The following ETFA variants were observed in gnomAD, a reference collection of about 807,000 sequenced individuals.
The protein encoded by ETFA is electron transfer flavoprotein subunit alpha, mitochondrial.
In ETFA, 22 loss-of-function variants were observed where a neutral mutation model predicts 46.2. That is an observed-to-expected ratio of 0.48 (90% CI 0.34 to 0.68). ETFA has a LOEUF of 0.68. Among genes scored for constraint, ETFA ranks in the 30% least tolerant of loss-of-function variants. ETFA has a pLI of 0.01. For synonymous variants in ETFA, 131 were observed against 139.9 expected (o/e 0.94, Z 0.45); for missense variants, 345 against 401.1 (o/e 0.86, Z 1.19).
intron 1 of ETFA, among the ~76,000 whole-genome samples, chr15:76,300,781 A>G (rs539223701): frequency 1.3e-5 from 2 of 152,104 alleles, no homozygotes; most frequent in South Asian, 4.2e-4. Flanking sequence ...CCCTCACTCC[A>G]TTTATGCCTT....
chr15:76,251,388 A>G (rs2039295998), intron 9 of ETFA, among the ~76,000 whole-genome samples: 1 of 152,252 alleles, frequency 6.6e-6, no homozygotes, highest in Non-Finnish European at 1.5e-5. Flanking sequence ...CTTGTGAAGT[A>G]GAAGGAATGG....
Position 76,215,852 on chromosome 15 carries a change from T to C in ETFA, c.*707A>G, listed in dbSNP as rs1363212657. The C allele has an allele frequency of 1.3e-5, 2 of 152,284 alleles. No homozygotes were observed. The highest frequency in any genetic ancestry group is 2.9e-5 in the Non-Finnish European group (2 of 68,100). The allele number at this position is 152,284 out of a possible 1,614,324, so 9.4% of individuals were successfully genotyped here. On this transcript the variant is annotated 3_prime_UTR_variant, in exon 12 of 12. Transcript: ENST00000557943. ...AACTATCTGCTTGCATCAGAGGCCATGCTGTCTCAAAGCAGCCCCTCCTCC... is the reference window on the plus strand; with the variant it reads ...AACTATCTGCTTGCATCAGAGGCCACGCTGTCTCAAAGCAGCCCCTCCTCC...
intron 9 of ETFA, among the ~76,000 whole-genome samples, chr15:76,263,728 G>C (rs2039442742): frequency 6.6e-6 from 1 of 152,192 alleles, no homozygotes; most frequent in Non-Finnish European, 1.5e-5. Context: ...AATAAAGGTA[G>C]CTCCTGAGCC....
At chr15:76,232,859 C>T (rs2039083573) in intron 9 of ETFA, among the ~76,000 whole-genome samples, 2 of 152,222 alleles carry the variant, frequency 1.3e-5, no homozygotes, top group South Asian at 4.1e-4. Context: ...AGTGATCCCT[C>T]AGCTCTTTGG....
At chr15:76,255,578 A>G (rs758442512) in intron 9 of ETFA, among the ~76,000 whole-genome samples, 5 of 152,236 alleles carry the variant, frequency 3.3e-5, no homozygotes, top group Non-Finnish European at 7.3e-5. Flanking sequence ...GAATATGAAG[A>G]TAATATTTCA....
intron 9 of ETFA, among the ~76,000 whole-genome samples, chr15:76,251,031 G>T (rs2039293206): frequency 6.6e-6 from 1 of 151,792 alleles, no homozygotes; most frequent in African/African-American, 2.4e-5. Flanking sequence ...AAAAAGAAAA[G>T]AATGGGAAGG....
chr15:76,295,785 G>A (rs1014015308), intron 1 of ETFA, 48 bp from the exon 2 acceptor site: 1 of 1,423,482 alleles, frequency 7.0e-7, no homozygotes, highest in African/African-American at 1.6e-5. Context: ...GTTGTCACAG[G>A]GTTTTTTTTT....
intron 1 of ETFA, among the ~76,000 whole-genome samples, chr15:76,309,374 C>T (rs1239192314): frequency 2.0e-5 from 3 of 152,128 alleles, no homozygotes; most frequent in Non-Finnish European, 4.4e-5. Flanking sequence ...TGGCGTGAAC[C>T]CGGGAGGCGG....
At chr15:76,275,600 G>A (rs2039582858) in intron 8 of ETFA, among the ~76,000 whole-genome samples, 1 of 152,184 alleles carries the variant, frequency 6.6e-6, no homozygotes, top group Non-Finnish European at 1.5e-5. Context: ...GATGTTGAAA[G>A]TAATAACTGA....
intron 9 of ETFA, among the ~76,000 whole-genome samples, chr15:76,243,492 CT>C: frequency 6.6e-6 from 1 of 152,136 alleles, no homozygotes; most frequent in East Asian, 1.9e-4. Flanking sequence ...ACTGTACTGT[CT>C]TCAAAATTTT....
intron 6 of ETFA, 50 bp downstream of exon 6, chr15:76,286,321 G>A (rs1166543072): frequency 2.0e-6 from 2 of 1,013,404 alleles, no homozygotes; most frequent in Non-Finnish European, 3.1e-6. Context: ...TACAGTCTAT[G>A]AATTAAAAAA....
chr15:76,265,360 A>G (rs1237502888), intron 9 of ETFA, among the ~76,000 whole-genome samples: 1 of 152,218 alleles, frequency 6.6e-6, no homozygotes, highest in East Asian at 1.9e-4. Flanking sequence ...GCTACCCTAC[A>G]TAAAACTAGG....
intron 1 of ETFA, among the ~76,000 whole-genome samples, chr15:76,305,079 C>T (rs1049463436): frequency 2.0e-5 from 3 of 152,046 alleles, no homozygotes; most frequent in Non-Finnish European, 2.9e-5. Flanking sequence ...GAAAATCCTC[C>T]GCTCTATTAC....
intron 8 of ETFA, among the ~76,000 whole-genome samples, chr15:76,280,921 T>TTC (rs979202536): frequency 1.4e-5 from 2 of 146,692 alleles, no homozygotes; most frequent in African/African-American, 5.1e-5. Context: ...AGATGTCTTT[T>TTC]TTTTTTTTTT....
chr15:76,230,121 C>A (rs969185510), intron 10 of ETFA: 5 of 150,294 alleles, frequency 3.3e-5, no homozygotes, highest in Non-Finnish European at 5.9e-5. Flanking sequence ...GCACTCCAGC[C>A]TGGGCGACTT....
intron 4 of ETFA, among the ~76,000 whole-genome samples, chr15:76,289,617 G>A (rs908460168): frequency 6.6e-6 from 1 of 152,122 alleles, no homozygotes; most frequent in Non-Finnish European, 1.5e-5. Flanking sequence ...CAAGCTGCCT[G>A]CATGGTTTCT....
At chr15:76,280,713 G>T (rs557596825) in intron 8 of ETFA, among the ~76,000 whole-genome samples, 1 of 152,172 alleles carries the variant, frequency 6.6e-6, no homozygotes, top group East Asian at 1.9e-4. Flanking sequence ...GTCTTGTGTT[G>T]CCTCCCAATT....
intron 9 of ETFA, chr15:76,260,663 C>A: frequency 1.9e-6 from 3 of 1,576,578 alleles, no homozygotes; most frequent in Non-Finnish European, 1.7e-6. Flanking sequence ...CCAAAGGGCC[C>A]TCGGGGATCA....
rs560277390 is a variant in ETFA, at chr15:76,263,149, C to G, written c.816+11263G>C. On this transcript the variant is annotated intron_variant, in intron 9 of 11. Transcript: ENST00000557943. Reference sequence around the variant, plus strand: ...CTTTCAACCCCCACATCCTCACCACCTGTTTCTTTGTTTGATCACCAATAA... The same window carrying G: ...CTTTCAACCCCCACATCCTCACCACGTGTTTCTTTGTTTGATCACCAATAA... 3.9e-5 allele frequency among the ~76,000 whole-genome samples: 6 copies of G among 152,350 alleles called. No individual in the cohort carries two copies. The South Asian group carries it at 1.2e-3, about 32-fold the overall frequency.
Sources: allele counts gnomAD v4.1 joint callset (sites outside exome capture counted in the v4.1 genomes callset), GRCh38; gene constraint gnomAD v4.1.1; transcripts MANE v1.5; gene names NCBI Gene and HGNC (gene_info 2026-07-23, HGNC 2026-07-21).